The following DOCK3 variants were observed in gnomAD, a reference collection of about 807,000 sequenced individuals.
The protein encoded by DOCK3 is dedicator of cytokinesis protein 3.
DOCK3 carries 60 observed loss-of-function variants against 265.6 expected under a neutral mutation model. That is an observed-to-expected ratio of 0.23 (90% CI 0.18 to 0.28). The LOEUF (loss-of-function observed/expected upper bound fraction) is 0.28. Ranked by LOEUF, DOCK3 falls within the 10% of genes least tolerant of loss-of-function variation. DOCK3 has a pLI of 1.00. For missense variants in DOCK3, 1,981 were observed against 2,594.3 expected, an observed-to-expected ratio of 0.76 and a Z score of 5.14; for synonymous variants, 881 against 938.0, an observed-to-expected ratio of 0.94 and a Z score of 1.11.
chr3:50,987,604 A>G (rs1395368906), intron 5 of DOCK3, among the ~76,000 whole-genome samples: 3 of 152,238 alleles, frequency 2.0e-5, no homozygotes, highest in Non-Finnish European at 4.4e-5. Flanking sequence ...ACAGAAAGGA[A>G]TGGAAGGGAC....
At chr3:50,822,500 A>AC (rs1250331227) in intron 2 of DOCK3, among the ~76,000 whole-genome samples, 1 of 151,724 alleles carries the variant, frequency 6.6e-6, no homozygotes, top group Non-Finnish European at 1.5e-5. Context: ...TAGCTCGGAT[A>AC]CTTTTTTTTT....
At chr3:51,271,653 T>C (rs1459607037) in intron 24 of DOCK3, among the ~76,000 whole-genome samples, 1 of 152,010 alleles carries the variant, frequency 6.6e-6, no homozygotes, top group Non-Finnish European at 1.5e-5. Context: ...AGTTCAAGAC[T>C]AGCCTGGCAA....
At chr3:51,197,032 A>G (rs191889522) in intron 12 of DOCK3, among the ~76,000 whole-genome samples, 5 of 152,134 alleles carry the variant, frequency 3.3e-5, no homozygotes, top group African/African-American at 9.6e-5. Flanking sequence ...ACCTTTTCCT[A>G]AAGATGTGTC....
chr3:51,163,954 A>G (rs1265014515), intron 12 of DOCK3, among the ~76,000 whole-genome samples: 2 of 152,056 alleles, frequency 1.3e-5, no homozygotes, highest in African/African-American at 4.8e-5. Flanking sequence ...CTTTGTCTTC[A>G]CTTAAGCCAC....
chr3:50,978,775 T>A (rs959417069), intron 5 of DOCK3, among the ~76,000 whole-genome samples: 1 of 152,190 alleles, frequency 6.6e-6, no homozygotes, highest in Non-Finnish European at 1.5e-5. Flanking sequence ...GATCTGAAAC[T>A]GCTGTGCTAG....
At chr3:50,719,569 A>T in intron 1 of DOCK3, 1 of 1,376,844 alleles carries the variant, frequency 7.3e-7, no homozygotes, top group Non-Finnish European at 1.0e-6. Context: ...GCATAATATT[A>T]ATGCTATTAT....
chr3:51,268,651 T>C (rs1483019165), intron 23 of DOCK3, among the ~76,000 whole-genome samples: 3 of 152,174 alleles, frequency 2.0e-5, no homozygotes, highest in Non-Finnish European at 4.4e-5. Flanking sequence ...CGCTTGCCTC[T>C]GTGTTGCCTC....
intron 5 of DOCK3, among the ~76,000 whole-genome samples, chr3:50,996,411 G>T (rs1476983994): frequency 6.6e-6 from 1 of 151,950 alleles, no homozygotes; most frequent in Admixed American, 6.6e-5. Context: ...TAGAGATGGG[G>T]TTTCACCGTG....
intron 1 of DOCK3, among the ~76,000 whole-genome samples, chr3:50,698,265 T>A (rs2035764832): frequency 6.6e-6 from 1 of 152,156 alleles, no homozygotes; most frequent in South Asian, 2.1e-4. Flanking sequence ...ATAAATGGAA[T>A]CATGTATTAT....
intron 10 of DOCK3, among the ~76,000 whole-genome samples, chr3:51,148,441 G>C (rs1435670265): frequency 6.6e-6 from 1 of 152,176 alleles, no homozygotes; most frequent in East Asian, 1.9e-4. Context: ...GAATGGTACT[G>C]CCTGGGTTTT....
At chr3:50,934,536 T>G (rs1360918594) in intron 5 of DOCK3, among the ~76,000 whole-genome samples, 1 of 151,900 alleles carries the variant, frequency 6.6e-6, no homozygotes, top group African/African-American at 2.4e-5. Context: ...TAATAGAAAA[T>G]CTAATAAAAG....
intron 5 of DOCK3, among the ~76,000 whole-genome samples, chr3:50,988,177 T>A (rs1234513067): frequency 1.3e-5 from 2 of 152,170 alleles, no homozygotes; most frequent in Non-Finnish European, 2.9e-5. Context: ...TTGGGCACCT[T>A]AGCCATTCCA....
At chr3:51,344,479 G>T (rs1301507882) in intron 38 of DOCK3, among the ~76,000 whole-genome samples, 2 of 152,184 alleles carry the variant, frequency 1.3e-5, no homozygotes, top group Non-Finnish European at 2.9e-5. Context: ...CATTAGCTGG[G>T]TGTGGTGGCG....
chr3:50,937,536 T>A (rs970144461), intron 5 of DOCK3, among the ~76,000 whole-genome samples: 6 of 151,762 alleles, frequency 4.0e-5, no homozygotes, highest in African/African-American at 1.2e-4. Context: ...GTGTCTGTAT[T>A]CCCAAGCTAC....
chr3:50,714,938 CT>C (rs1325004264), intron 1 of DOCK3, among the ~76,000 whole-genome samples: 4 of 152,218 alleles, frequency 2.6e-5, no homozygotes, highest in Non-Finnish European at 5.9e-5. Context: ...GGAGGCCTTC[CT>C]TGACCCCTAG....
intron 1 of DOCK3, among the ~76,000 whole-genome samples, chr3:50,731,098 C>T (rs2038181166): frequency 6.6e-6 from 1 of 150,800 alleles, no homozygotes; most frequent in African/African-American, 2.4e-5. Context: ...CACCACTGCA[C>T]TCCAGCCTGG....
intron 5 of DOCK3, among the ~76,000 whole-genome samples, chr3:51,003,064 G>A (rs571080716): frequency 1.4e-4 from 22 of 152,326 alleles, no homozygotes; most frequent in Non-Finnish European, 3.1e-4. Context: ...AGAAGGAAAT[G>A]TGAATACATA....
intron 9 of DOCK3, among the ~76,000 whole-genome samples, chr3:51,120,990 G>A (rs2083989420): frequency 6.6e-6 from 1 of 152,070 alleles, no homozygotes; most frequent in African/African-American, 2.4e-5. Context: ...TGTCTCACTG[G>A]CGTTTCAGGC....
intron 1 of DOCK3, among the ~76,000 whole-genome samples, chr3:50,743,315 C>A (rs1302832753): frequency 1.1e-4 from 17 of 152,254 alleles, no homozygotes; most frequent in East Asian, 3.9e-4. Flanking sequence ...CTAACATCAT[C>A]ATTACAGGAT....
Sources: gnomAD v4.1 joint callset for allele counts (sites outside exome capture counted in the v4.1 genomes callset) on GRCh38, gnomAD v4.1.1 for gene constraint, MANE v1.5 for transcripts, NCBI Gene and HGNC (gene_info 2026-07-23, HGNC 2026-07-21) for gene names.